Variants in ROBO2 observed in about 807,000 individuals in gnomAD.
ROBO2 encodes roundabout homolog 2.
Under a neutral mutation model 160.8 loss-of-function variants are expected in ROBO2, and 53 were observed. The ratio of observed to expected loss-of-function variants is 0.33; its 90% CI spans 0.26 to 0.41. The LOEUF is 0.41. Among genes scored for constraint, ROBO2 ranks in the 10% least tolerant of loss-of-function variants. ROBO2 has a pLI of 1.00. For synonymous variants in ROBO2, 664 were observed against 611.7 expected (o/e 1.09, Z -1.26); for missense variants, 1,577 against 1,722.4 (o/e 0.92, Z 1.49).
At chr3:76,423,776 G>A (rs1056808744) in intron 2 of ROBO2, among the ~76,000 whole-genome samples, 1 of 152,186 alleles carries the variant, frequency 6.6e-6, no homozygotes, top group Non-Finnish European at 1.5e-5. Context: ...GGAGTTCATG[G>A]ATAGTCATCC....
intron 2 of ROBO2, among the ~76,000 whole-genome samples, chr3:76,742,138 C>T (rs1361674166): frequency 6.6e-6 from 1 of 151,966 alleles, no homozygotes; most frequent in Non-Finnish European, 1.5e-5. Context: ...GATTTCCTGA[C>T]AATGATCAAA....
chr3:76,043,613 C>T (rs2067349400), intron 2 of ROBO2, among the ~76,000 whole-genome samples: 1 of 93,640 alleles, frequency 1.1e-5, no homozygotes, highest in Non-Finnish European at 2.0e-5. Flanking sequence ...ACCAATTCTT[C>T]ATCGTCCAAA....
At chr3:76,530,778 C>T (rs2082183155) in intron 2 of ROBO2, among the ~76,000 whole-genome samples, 1 of 152,152 alleles carries the variant, frequency 6.6e-6, no homozygotes. Flanking sequence ...ATAAAATACA[C>T]AGCCGATACT....
intron 2 of ROBO2, among the ~76,000 whole-genome samples, chr3:77,330,503 G>C (rs1274886929): frequency 6.6e-6 from 1 of 152,170 alleles, no homozygotes; most frequent in African/African-American, 2.4e-5. Flanking sequence ...GGGCAACAGA[G>C]TGATTTATTT....
intron 2 of ROBO2, among the ~76,000 whole-genome samples, chr3:76,851,461 C>T (rs2069338287): frequency 6.6e-6 from 1 of 152,134 alleles, no homozygotes; most frequent in South Asian, 2.1e-4. Flanking sequence ...TGTGGCCGGG[C>T]GCGGTGGCTC....
At chr3:76,020,997 C>T (rs1388410916) in intron 2 of ROBO2, among the ~76,000 whole-genome samples, 1 of 151,782 alleles carries the variant, frequency 6.6e-6, no homozygotes, top group Admixed American at 6.6e-5. Context: ...TTACTGAATG[C>T]ACTTTATCAT....
At chr3:76,963,184 A>G (rs904289994) in intron 2 of ROBO2, among the ~76,000 whole-genome samples, 8 of 152,278 alleles carry the variant, frequency 5.3e-5, no homozygotes, top group East Asian at 3.9e-4. Flanking sequence ...TCTAAAATGT[A>G]TATTCTCAGC....
At chr3:76,469,214 A>G (rs1179469999) in intron 2 of ROBO2, among the ~76,000 whole-genome samples, 1 of 152,084 alleles carries the variant, frequency 6.6e-6, no homozygotes, top group Non-Finnish European at 1.5e-5. Context: ...GATGACAATG[A>G]CGATAATAAT....
chr3:77,012,513 G>A (rs1298053008), intron 2 of ROBO2, among the ~76,000 whole-genome samples: 1 of 152,160 alleles, frequency 6.6e-6, no homozygotes, highest in Non-Finnish European at 1.5e-5. Context: ...GCTTTGTTGT[G>A]ACTTTAAGAG....
intron 2 of ROBO2, among the ~76,000 whole-genome samples, chr3:76,878,633 A>G (rs1269238779): frequency 6.6e-6 from 1 of 152,184 alleles, no homozygotes; most frequent in Non-Finnish European, 1.5e-5. Flanking sequence ...ATTTTTGCCA[A>G]CTAGCCGTAT....
chr3:77,245,354 C>T (rs187957773), intron 2 of ROBO2, among the ~76,000 whole-genome samples: 158 of 152,220 alleles, frequency 1.0e-3, no homozygotes, highest in African/African-American at 3.5e-3. Context: ...TGCTGGTTAA[C>T]GGGTAATGAC....
intron 2 of ROBO2, among the ~76,000 whole-genome samples, chr3:76,304,389 A>C (rs2071219006): frequency 6.6e-6 from 1 of 152,234 alleles, no homozygotes; most frequent in Non-Finnish European, 1.5e-5. Flanking sequence ...ACGTTAAAGA[A>C]TTAGGGAGAA....
At chr3:77,539,133 T>A (rs1268830726) in intron 6 of ROBO2, among the ~76,000 whole-genome samples, 1 of 152,182 alleles carries the variant, frequency 6.6e-6, no homozygotes, top group African/African-American at 2.4e-5. Context: ...TTGCCCAGGC[T>A]GATCTCAAAC....
At chr3:76,320,882 A>T (rs1266311636) in intron 2 of ROBO2, among the ~76,000 whole-genome samples, 2 of 152,218 alleles carry the variant, frequency 1.3e-5, no homozygotes, top group Non-Finnish European at 2.9e-5. Context: ...TAAAGATGTT[A>T]TGAAGGTAAT....
At chr3:76,130,163 T>C (rs145064220) in intron 2 of ROBO2, among the ~76,000 whole-genome samples, 34 of 152,210 alleles carry the variant, frequency 2.2e-4, no homozygotes, top group African/African-American at 8.2e-4. Flanking sequence ...TTATAAGCTC[T>C]GCAGAGTAAA....
intron 2 of ROBO2, among the ~76,000 whole-genome samples, chr3:76,242,993 T>C (rs1484425297): frequency 2.0e-5 from 3 of 152,182 alleles, no homozygotes; most frequent in Non-Finnish European, 4.4e-5. Context: ...AGTTGCTGCA[T>C]GGACGATTCC....
At chr3:76,306,930 C>A (rs2071360642) in intron 2 of ROBO2, among the ~76,000 whole-genome samples, 1 of 152,200 alleles carries the variant, frequency 6.6e-6, no homozygotes, top group African/African-American at 2.4e-5. Flanking sequence ...CACTCCCCAT[C>A]ATAATGCAGC....
intron 2 of ROBO2, among the ~76,000 whole-genome samples, chr3:77,435,556 T>C (rs2079191137): frequency 6.6e-6 from 1 of 151,938 alleles, no homozygotes; most frequent in Non-Finnish European, 1.5e-5. Flanking sequence ...TGTATTCCCA[T>C]GTTAACTAGC....
chr3:76,653,946 C>A (rs1261308582), intron 2 of ROBO2, among the ~76,000 whole-genome samples: 1 of 152,008 alleles, frequency 6.6e-6, no homozygotes, highest in Admixed American at 6.6e-5. Context: ...TTTCACTCAC[C>A]ATAAATCTTT....
Sources: gnomAD v4.1 joint callset for allele counts (sites outside exome capture counted in the v4.1 genomes callset) on GRCh38, gnomAD v4.1.1 for gene constraint, MANE v1.5 for transcripts, NCBI Gene and HGNC (gene_info 2026-07-23, HGNC 2026-07-21) for gene names.